The following YEATS4 variants were observed in gnomAD, a reference collection of about 807,000 sequenced individuals.
YEATS4 encodes the protein YEATS domain containing 4, also known as YEATS domain-containing protein 4.
YEATS4 carries 17 observed loss-of-function variants against 30.1 expected under a neutral mutation model. The observed-to-expected ratio is 0.56, with a 90% CI of 0.39 to 0.85. The LOEUF is 0.85. Ranked by LOEUF, YEATS4 falls within the 40% of genes least tolerant of loss-of-function variation. YEATS4 has a pLI of 0.00. For missense variants in YEATS4, 142 were observed against 268.3 expected, an observed-to-expected ratio of 0.53 and a Z score of 3.29; for synonymous variants, 85 against 87.5, an observed-to-expected ratio of 0.97 and a Z score of 0.16.
At chr12:69,375,758 G>C (rs160829) in intron 6 of YEATS4, among the ~76,000 whole-genome samples, 106,295 of 151,978 alleles carry the variant, frequency 0.7, 37,751 homozygotes, top group African/African-American at 0.83. Context: ...AAAAACTGGT[G>C]AGGCGTGGTG....
chr12:69,397,928 A>G, the YEATS4 span, among the ~76,000 whole-genome samples: 2 of 152,230 alleles, frequency 1.3e-5, no homozygotes, highest in South Asian at 2.1e-4. Context: ...GGCAGCCTTA[A>G]TAACTAACAT....
chr12:69,381,147 C>T (rs1327604670), intron 6 of YEATS4, among the ~76,000 whole-genome samples: 10 of 152,226 alleles, frequency 6.6e-5, no homozygotes, highest in Non-Finnish European at 1.2e-4. Flanking sequence ...GGGAGTGCTA[C>T]GGGAGACTGG....
At chr12:69,373,712 T>G (rs12813681) in intron 6 of YEATS4, among the ~76,000 whole-genome samples, 1 of 152,302 alleles carries the variant, frequency 6.6e-6, no homozygotes, top group Non-Finnish European at 1.5e-5. Context: ...TCCAGTGTCC[T>G]AGAGAGTTTC....
At chr12:69,417,796 C>T in the YEATS4 span, among the ~76,000 whole-genome samples, 3 of 148,674 alleles carry the variant, frequency 2.0e-5, no homozygotes, top group South Asian at 2.1e-4. Context: ...CTTCGTTTAA[C>T]GCTGGCATTT....
the YEATS4 span, among the ~76,000 whole-genome samples, chr12:69,417,764 G>T: frequency 1.3e-5 from 2 of 151,162 alleles, no homozygotes; most frequent in African/African-American, 4.9e-5. Flanking sequence ...TGCAGAAATG[G>T]TCCCTTTGGA....
chr12:69,404,403 T>C, the YEATS4 span, among the ~76,000 whole-genome samples: 7 of 152,236 alleles, frequency 4.6e-5, no homozygotes, highest in Non-Finnish European at 7.3e-5. Flanking sequence ...AGAGCCCTCA[T>C]TGAATGGATT....
rs368726221 is a variant in YEATS4, at chr12:69,374,400, C to CT, written c.514+3434dup. Among the ~76,000 whole-genome samples the CT allele has an allele frequency of 7.4e-5, 11 of 149,618 alleles. No homozygotes were observed. The East Asian group carries it at 1.2e-3, about 16-fold the overall frequency. The stretch of plus-strand genomic sequence containing the variant: ...TAGCTGTGGTAAATGAGATTACTTT[C>CT]TTTTTTTTTATTTAATTTTTTAGTA... On this transcript the variant is annotated intron_variant, in intron 6 of 6. Transcript: ENST00000247843.
the YEATS4 span, among the ~76,000 whole-genome samples, chr12:69,417,715 G>A: frequency 0.013 from 2,022 of 152,190 alleles, 50 homozygotes; most frequent in African/African-American, 0.046. Flanking sequence ...GTGACTATTT[G>A]TTGGTGTTTC....
intron 6 of YEATS4, among the ~76,000 whole-genome samples, chr12:69,376,643 C>A (rs1875886131): frequency 1.3e-5 from 2 of 152,164 alleles, no homozygotes; most frequent in African/African-American, 2.4e-5. Context: ...CATCAGTGTT[C>A]ATCAGGGATA....
the YEATS4 span, among the ~76,000 whole-genome samples, chr12:69,422,076 T>C: frequency 6.6e-6 from 1 of 152,038 alleles, no homozygotes; most frequent in African/African-American, 2.4e-5. Context: ...ACCAGAGTGC[T>C]AATAGGTATC....
the YEATS4 span, among the ~76,000 whole-genome samples, chr12:69,404,626 C>G: frequency 6.6e-6 from 1 of 152,302 alleles, no homozygotes; most frequent in East Asian, 1.9e-4. Flanking sequence ...GACTTCCCAG[C>G]CTCCAGAACC....
At chr12:69,406,962 G>T in the YEATS4 span, among the ~76,000 whole-genome samples, 12 of 151,880 alleles carry the variant, frequency 7.9e-5, no homozygotes, top group Admixed American at 6.6e-4. Context: ...CCACAGGCAT[G>T]CACCACCACA....
the YEATS4 span, among the ~76,000 whole-genome samples, chr12:69,403,977 CA>C: frequency 2.0e-5 from 3 of 152,016 alleles, no homozygotes; most frequent in African/African-American, 4.8e-5. Flanking sequence ...CAATTCTTCT[CA>C]GTCTCTTTCA....
chr12:69,375,468 A>G (rs112254772), intron 6 of YEATS4, among the ~76,000 whole-genome samples: 11 of 126,566 alleles, frequency 8.7e-5, no homozygotes, highest in East Asian at 5.0e-4. Flanking sequence ...ATGGGCGGCC[A>G]GGCAGAGACG....
chr12:69,395,149 A>G (rs1301122569), downstream of YEATS4, among the ~76,000 whole-genome samples: 3 of 152,176 alleles, frequency 2.0e-5, no homozygotes, highest in Non-Finnish European at 1.5e-5. Flanking sequence ...TTACTTTTTT[A>G]TTGAAAGCAA....
chr12:69,412,274 G>A, the YEATS4 span, among the ~76,000 whole-genome samples: 2 of 152,182 alleles, frequency 1.3e-5, no homozygotes, highest in African/African-American at 4.8e-5. Flanking sequence ...CTGCAGGTCA[G>A]GCTGGCTCTA....
chr12:69,362,013 G>GTTTTTTTTTTTTTTT lies in YEATS4; in HGVS notation c.52-768_52-754dup, dbSNP rs533225716. ...TTTTTAAATTGTAGGGTGTTTGGTT[G>GTTTTTTTTTTTTTTT]TTTTTTTTTTTTTTTTTTTTTGGAG... On this transcript the variant is annotated intron_variant, in intron 1 of 6. Coordinates refer to ENST00000247843, the MANE Select transcript of YEATS4 (RefSeq NM_006530.4). Among the ~76,000 whole-genome samples the GTTTTTTTTTTTTTTT allele has an allele frequency of 2.3e-3, 158 of 69,024 alleles. 5 individuals carry two copies. The highest frequency in any genetic ancestry group is 7.6e-3 in the African/African-American group (153 of 20,092). The allele number at this position is 69,024 out of a possible 152,430, so 45.3% of individuals were successfully genotyped here.
the YEATS4 span, among the ~76,000 whole-genome samples, chr12:69,413,104 A>G: frequency 1.1e-4 from 16 of 152,312 alleles, no homozygotes; most frequent in East Asian, 3.1e-3. Context: ...TGGGTTCATT[A>G]AATCTGTTAA....
the YEATS4 span, among the ~76,000 whole-genome samples, chr12:69,418,781 G>C: frequency 6.6e-6 from 1 of 151,864 alleles, no homozygotes; most frequent in Non-Finnish European, 1.5e-5. Context: ...TTGCCAATAA[G>C]TTGTAAATAT....
Sources: gnomAD v4.1 joint callset for allele counts (sites outside exome capture counted in the v4.1 genomes callset) on GRCh38, gnomAD v4.1.1 for gene constraint, MANE v1.5 for transcripts, NCBI Gene and HGNC (gene_info 2026-07-23, HGNC 2026-07-21) for gene names.